HS6ST3: variants seen among roughly 807,000 people sequenced by gnomAD.
HS6ST3 encodes the protein heparan sulfate 6-O-sulfotransferase 3, also known as heparan-sulfate 6-O-sulfotransferase 3.
Under a neutral mutation model 36.7 loss-of-function variants are expected in HS6ST3, and 12 were observed. That is an observed-to-expected ratio of 0.33 (90% CI 0.21 to 0.53). HS6ST3 has a LOEUF of 0.53. Among genes scored for constraint, HS6ST3 ranks in the 20% least tolerant of loss-of-function variants. The pLI is 0.95. For synonymous variants in HS6ST3, 240 were observed against 257.5 expected (o/e 0.93, Z 0.65); for missense variants, 584 against 640.9 (o/e 0.91, Z 0.96).
At chr13:96,796,059 G>A (rs1201922029) in intron 1 of HS6ST3, among the ~76,000 whole-genome samples, 1 of 152,136 alleles carries the variant, frequency 6.6e-6, no homozygotes. Flanking sequence ...AGTATTGATA[G>A]AAGATCTGTT....
chr13:96,726,637 G>A (rs1371436399), intron 1 of HS6ST3, among the ~76,000 whole-genome samples: 1 of 152,106 alleles, frequency 6.6e-6, no homozygotes, highest in Non-Finnish European at 1.5e-5. Flanking sequence ...AGACAATAAT[G>A]TTATCTGTGG....
chr13:96,666,284 C>T (rs2056664015), intron 1 of HS6ST3, among the ~76,000 whole-genome samples: 1 of 152,150 alleles, frequency 6.6e-6, no homozygotes, highest in Non-Finnish European at 1.5e-5. Flanking sequence ...CACCAGGTCC[C>T]TCTGATGACA....
chr13:96,749,124 G>A (rs556823877), intron 1 of HS6ST3, among the ~76,000 whole-genome samples: 26 of 152,182 alleles, frequency 1.7e-4, no homozygotes, highest in South Asian at 2.1e-4. Flanking sequence ...TCTAAAATGA[G>A]CAACTTTCAG....
chr13:96,667,460 A>G (rs1354386957), intron 1 of HS6ST3, among the ~76,000 whole-genome samples: 1 of 152,136 alleles, frequency 6.6e-6, no homozygotes, highest in Non-Finnish European at 1.5e-5. Context: ...GAGAACGTAA[A>G]TTTTACTCAT....
At chr13:96,578,587 G>T (rs540647184) in intron 1 of HS6ST3, among the ~76,000 whole-genome samples, 14 of 152,158 alleles carry the variant, frequency 9.2e-5, no homozygotes, top group Admixed American at 2.0e-4. Flanking sequence ...ATTAGACAGG[G>T]TCTCACTCTG....
intron 1 of HS6ST3, among the ~76,000 whole-genome samples, chr13:96,477,202 A>G (rs2055868362): frequency 6.6e-6 from 1 of 152,122 alleles, no homozygotes. Context: ...CCTGATCAGA[A>G]TTCTCTCCAC....
intron 1 of HS6ST3, among the ~76,000 whole-genome samples, chr13:96,635,501 G>A (rs543677344): frequency 6.5e-4 from 99 of 152,194 alleles, no homozygotes; most frequent in African/African-American, 2.3e-3. Flanking sequence ...AATTCTGACA[G>A]TCTTCTCCCA....
At chr13:96,517,457 G>C (rs983088252) in intron 1 of HS6ST3, among the ~76,000 whole-genome samples, 5 of 152,172 alleles carry the variant, frequency 3.3e-5, no homozygotes, top group African/African-American at 9.7e-5. Context: ...CAGGGAGATG[G>C]GGGGAGAGGG....
chr13:96,719,364 A>C (rs1041785289), intron 1 of HS6ST3, among the ~76,000 whole-genome samples: 1 of 151,984 alleles, frequency 6.6e-6, no homozygotes, highest in Non-Finnish European at 1.5e-5. Context: ...AAGACAGCAG[A>C]AAGAGCAAGA....
At chr13:96,555,748 G>A (rs1594806035) in intron 1 of HS6ST3, among the ~76,000 whole-genome samples, 1 of 151,784 alleles carries the variant, frequency 6.6e-6, no homozygotes. Context: ...TCTGTAATTT[G>A]TAGACGTGTC....
intron 1 of HS6ST3, among the ~76,000 whole-genome samples, chr13:96,614,769 G>A (rs2056468430): frequency 1.3e-5 from 2 of 152,148 alleles, no homozygotes; most frequent in African/African-American, 4.8e-5. Context: ...TTATGAAAAT[G>A]TAAAATGATG....
intron 1 of HS6ST3, among the ~76,000 whole-genome samples, chr13:96,533,142 A>G (rs1198850651): frequency 6.6e-6 from 1 of 152,182 alleles, no homozygotes; most frequent in Non-Finnish European, 1.5e-5. Context: ...CTCTGTTGTA[A>G]TTGGATGATA....
At chr13:96,800,487 T>A (rs932336413) in intron 1 of HS6ST3, among the ~76,000 whole-genome samples, 20 of 152,012 alleles carry the variant, frequency 1.3e-4, no homozygotes, top group African/African-American at 4.1e-4. Context: ...CAAATTCCAC[T>A]CTCCTTTCGC....
chr13:96,458,169 C>A (rs2055763563), intron 1 of HS6ST3, among the ~76,000 whole-genome samples: 1 of 152,154 alleles, frequency 6.6e-6, no homozygotes, highest in African/African-American at 2.4e-5. Flanking sequence ...TACCTTCATT[C>A]ATTCCAAAAG....
At chr13:96,416,992 C>T (rs187226424) in intron 1 of HS6ST3, among the ~76,000 whole-genome samples, 3 of 152,144 alleles carry the variant, frequency 2.0e-5, no homozygotes, top group African/African-American at 7.2e-5. Flanking sequence ...CCTTGTGATC[C>T]GCCCGCCTCT....
chr13:96,479,208 C>T (rs756425458), intron 1 of HS6ST3, among the ~76,000 whole-genome samples: 6 of 152,140 alleles, frequency 3.9e-5, no homozygotes, highest in South Asian at 2.1e-4. Context: ...TTTGCCTAAA[C>T]GGGTTCCTAA....
chr13:96,676,541 T>C (rs2056699431), intron 1 of HS6ST3, among the ~76,000 whole-genome samples: 3 of 152,192 alleles, frequency 2.0e-5, no homozygotes, highest in Non-Finnish European at 1.5e-5. Context: ...GAGCCACTTA[T>C]ATCAATTGTA....
At chr13:96,598,023 C>T (rs556726691) in intron 1 of HS6ST3, among the ~76,000 whole-genome samples, 20 of 152,038 alleles carry the variant, frequency 1.3e-4, no homozygotes, top group African/African-American at 4.3e-4. Context: ...TCTGTTCCAC[C>T]GGTCTCTGTG....
intron 1 of HS6ST3, among the ~76,000 whole-genome samples, chr13:96,367,239 T>G (rs1266605470): frequency 6.6e-6 from 1 of 152,220 alleles, no homozygotes; most frequent in African/African-American, 2.4e-5. Context: ...GACACATACC[T>G]TAATTCTTTA....
Sources: allele counts gnomAD v4.1 joint callset (sites outside exome capture counted in the v4.1 genomes callset), GRCh38; gene constraint gnomAD v4.1.1; transcripts MANE v1.5; gene names NCBI Gene and HGNC (gene_info 2026-07-23, HGNC 2026-07-21).